The following CAMKMT variants were observed in gnomAD, a reference collection of about 807,000 sequenced individuals.
The protein encoded by CAMKMT is calmodulin-lysine N-methyltransferase, also known as CaM KMT.
A neutral mutation model predicts 48.0 loss-of-function variants in CAMKMT; 53 were observed. The observed-to-expected ratio is 1.10, with a 90% CI of 0.89 to 1.39. The LOEUF is 1.39. Among genes scored for constraint, CAMKMT ranks in the 40% most tolerant of loss-of-function variants. CAMKMT has a pLI of 0.00. For synonymous variants in CAMKMT, 165 were observed against 152.3 expected (o/e 1.08, Z -0.61); for missense variants, 428 against 402.7 (o/e 1.06, Z -0.54).
At chr2:44,665,268 A>G (rs911077828) in intron 3 of CAMKMT, among the ~76,000 whole-genome samples, 9 of 151,960 alleles carry the variant, frequency 5.9e-5, no homozygotes. Flanking sequence ...ACGGGGTTTC[A>G]CCATGTTGGC....
intron 3 of CAMKMT, among the ~76,000 whole-genome samples, chr2:44,445,630 G>A (rs536386651): frequency 3.0e-4 from 42 of 137,708 alleles, no homozygotes; most frequent in Non-Finnish European, 5.7e-4. Context: ...AGTCCAACAT[G>A]TCGGCAAAAG....
chr2:44,636,494 G>T (rs901206392), intron 3 of CAMKMT, among the ~76,000 whole-genome samples: 1 of 152,170 alleles, frequency 6.6e-6, no homozygotes, highest in African/African-American at 2.4e-5. Flanking sequence ...GTGTAACTTA[G>T]GTGCAGCTGA....
intron 3 of CAMKMT, among the ~76,000 whole-genome samples, chr2:44,682,275 C>T (rs767208350): frequency 2.0e-5 from 3 of 152,198 alleles, no homozygotes; most frequent in African/African-American, 4.8e-5. Context: ...TACATATCAA[C>T]TTTTCCTAGT....
intron 3 of CAMKMT, among the ~76,000 whole-genome samples, chr2:44,637,113 T>C (rs967071755): frequency 2.0e-5 from 3 of 152,190 alleles, no homozygotes; most frequent in Non-Finnish European, 2.9e-5. Context: ...AAAACCAAAA[T>C]GGGCCATGGC....
intron 9 of CAMKMT, among the ~76,000 whole-genome samples, chr2:44,759,441 T>A (rs1680519298): frequency 6.6e-6 from 1 of 152,184 alleles, no homozygotes; most frequent in African/African-American, 2.4e-5. Context: ...GCTCAGATAC[T>A]TTCTCATCTT....
Position 44,549,528 on chromosome 2 carries a change from A to G in CAMKMT, c.377-154755A>G, listed in dbSNP as rs143674915. 7.2e-6 allele frequency: 5 copies of G among 693,722 alleles called. No individual in the cohort carries two copies. The African/African-American group carries it at 8.8e-5, about 12-fold the overall frequency. The allele number at this position is 693,722 out of a possible 1,614,324, so 43.0% of individuals were successfully genotyped here. A position where few individuals can be genotyped will look rare whatever the true frequency, so the allele number is the denominator to read the frequency against. ...ACTTTTGCACCAACCTAAAATGTATATATAATTTTTTTTCTTTTTTTCTTA... is the reference window on the plus strand; with the variant it reads ...ACTTTTGCACCAACCTAAAATGTATGTATAATTTTTTTTCTTTTTTTCTTA... On this transcript the variant is annotated intron_variant, in intron 3 of 10. Transcript: ENST00000378494.
chr2:44,629,423 TTC>T lies in CAMKMT; in HGVS notation c.377-74858_377-74857del, dbSNP rs368347879. On this transcript the variant is annotated intron_variant, in intron 3 of 10. Coordinates refer to ENST00000378494, the MANE Select transcript of CAMKMT (RefSeq NM_024766.5). ...CCTATCTCACTGTGTATGCATTTCT[TTC>T]TTTCTTTCTTTTTTTTTTTTTTTTT... 4.0e-3 allele frequency among the ~76,000 whole-genome samples: 600 copies of T among 149,320 alleles called. 3 individuals carry two copies. The highest frequency in any genetic ancestry group is 0.014 in the African/African-American group (567 of 39,634).
chr2:44,673,498 G>T (rs1196007718), intron 3 of CAMKMT, among the ~76,000 whole-genome samples: 1 of 139,558 alleles, frequency 7.2e-6, no homozygotes, highest in Non-Finnish European at 1.5e-5. Flanking sequence ...AGGAAGGAAG[G>T]AAGGAAGGAA....
At chr2:44,422,974 A>G (rs910672609) in intron 3 of CAMKMT, among the ~76,000 whole-genome samples, 1 of 152,082 alleles carries the variant, frequency 6.6e-6, no homozygotes, top group African/African-American at 2.4e-5. Context: ...TGTCCATTAC[A>G]CCTTCAGTCT....
intron 2 of CAMKMT, among the ~76,000 whole-genome samples, chr2:44,378,349 T>C (rs992385103): frequency 6.6e-6 from 1 of 152,222 alleles, no homozygotes; most frequent in Non-Finnish European, 1.5e-5. Flanking sequence ...ATATAGTACA[T>C]GTAGAAACCA....
rs74625457 is a variant in CAMKMT at position 44,673,427 on chromosome 2, T to TA, written c.377-30841dup. ...CTGGGGGACAGAATGAGACCCTGTT[T>TA]AAAAAAAAAAAAAAAGAGAGAGAGA... On this transcript the variant is annotated intron_variant, in intron 3 of 10. Transcript: ENST00000378494. Among the ~76,000 whole-genome samples, 382 of 111,454 alleles carry TA rather than the reference T, an allele frequency of 3.4e-3. 4 individuals are homozygous for TA. The highest frequency in any genetic ancestry group is 4.2e-3 in the Non-Finnish European group (236 of 55,682). 73.1% of individuals were successfully genotyped at this position (111,454 alleles called of 152,430 possible).
intron 3 of CAMKMT, among the ~76,000 whole-genome samples, chr2:44,411,979 ATTTTTTTT>A (rs541645446): frequency 0.62 from 57,378 of 92,052 alleles, 17,498 homozygotes; most frequent in South Asian, 0.77. Context: ...ATTCTCTTCA[ATTTTTTTT>A]TTTTTTTTTT....
chr2:44,546,154 G>GACACAC (rs4039614), intron 3 of CAMKMT, among the ~76,000 whole-genome samples: 5,927 of 128,994 alleles, frequency 0.046, 233 homozygotes, highest in East Asian at 0.12. Flanking sequence ...AGACTGCTAG[G>GACACAC]ACACACACAC....
At chr2:44,681,879 A>G (rs373930128) in intron 3 of CAMKMT, among the ~76,000 whole-genome samples, 36 of 152,338 alleles carry the variant, frequency 2.4e-4, no homozygotes, top group African/African-American at 8.7e-4. Context: ...TGGGAAACGG[A>G]CACAATATTA....
intron 3 of CAMKMT, among the ~76,000 whole-genome samples, chr2:44,597,692 T>C (rs1011662820): frequency 6.6e-6 from 1 of 152,102 alleles, no homozygotes; most frequent in African/African-American, 2.4e-5. Flanking sequence ...TAAAATACAA[T>C]TGTGGTATAG....
chr2:44,408,545 A>G (rs1223442806), intron 3 of CAMKMT, among the ~76,000 whole-genome samples: 1 of 152,166 alleles, frequency 6.6e-6, no homozygotes, highest in Non-Finnish European at 1.5e-5. Context: ...AAGAAACTGT[A>G]TCTCAGAAGA....
intron 3 of CAMKMT, among the ~76,000 whole-genome samples, chr2:44,476,916 A>G (rs920267037): frequency 4.6e-5 from 7 of 152,200 alleles, no homozygotes; most frequent in African/African-American, 1.7e-4. Flanking sequence ...GGTGGGTGCT[A>G]TATCCCAGCT....
intron 2 of CAMKMT, among the ~76,000 whole-genome samples, chr2:44,385,524 G>A (rs937619721): frequency 1.3e-5 from 2 of 151,558 alleles, no homozygotes; most frequent in African/African-American, 2.4e-5. Context: ...AAGAGCAGTG[G>A]TGAGAGTGGG....
At chr2:44,737,845 A>G (rs1219351681) in intron 7 of CAMKMT, among the ~76,000 whole-genome samples, 2 of 147,068 alleles carry the variant, frequency 1.4e-5, no homozygotes, top group East Asian at 2.0e-4. Flanking sequence ...TCTCAGTTCC[A>G]TCTTCTTTTT....
Sources: allele counts gnomAD v4.1 joint callset (sites outside exome capture counted in the v4.1 genomes callset), GRCh38; gene constraint gnomAD v4.1.1; transcripts MANE v1.5; gene names NCBI Gene and HGNC (gene_info 2026-07-23, HGNC 2026-07-21).